The following GPC3 variants were observed in gnomAD, a reference collection of about 807,000 sequenced individuals.
GPC3 encodes glypican 3, also known as glypican-3.
A neutral mutation model predicts 34.4 loss-of-function variants in GPC3; 3 were observed. The observed-to-expected ratio is 0.09, with a 90% CI of 0.04 to 0.23. GPC3 has a LOEUF of 0.23. GPC3 is among the 10% of genes least tolerant of loss of function. The pLI, the probability that GPC3 is intolerant of heterozygous loss-of-function variation, is 1.00. For synonymous variants in GPC3, 177 were observed against 174.0 expected (o/e 1.02, Z -0.13); for missense variants, 351 against 445.6 (o/e 0.79, Z 1.91).
chrX:133,560,377 A>G (rs1286879826), intron 7 of GPC3, among the ~76,000 whole-genome samples: 2 of 112,405 alleles, frequency 1.8e-5, no homozygotes, highest in African/African-American at 6.5e-5. Flanking sequence ...AGTTTTTGCC[A>G]TTAACTGTTT....
chrX:133,832,756 A>G (rs1272054547), intron 2 of GPC3, among the ~76,000 whole-genome samples: 2 of 112,398 alleles, frequency 1.8e-5, no homozygotes, highest in East Asian at 5.6e-4. Context: ...TAGCTAAAGA[A>G]GGAGGAATTT....
At chrX:133,687,092 A>ATT (rs775110101) in intron 5 of GPC3, among the ~76,000 whole-genome samples, 1,042 of 69,201 alleles carry the variant, frequency 0.015, 23 homozygotes, top group African/African-American at 0.055. Context: ...TGGCCGGCTA[A>ATT]TTTTTTTTTT....
At chrX:133,881,255 TAGAGACACAGAC>T (rs1354127515) in intron 2 of GPC3, among the ~76,000 whole-genome samples, 1 of 111,953 alleles carries the variant, frequency 8.9e-6, no homozygotes, top group Admixed American at 9.5e-5. Context: ...GACACTCATC[TAGAGACACAGAC>T]AGACATGGTC....
intron 7 of GPC3, among the ~76,000 whole-genome samples, chrX:133,557,866 A>G (rs946146033): frequency 9.0e-6 from 1 of 111,701 alleles, no homozygotes; most frequent in African/African-American, 3.3e-5. Context: ...TAAAGAGAAA[A>G]TCAAAATGAG....
chrX:133,792,803 C>A (rs1265164059), intron 2 of GPC3, among the ~76,000 whole-genome samples: 1 of 111,555 alleles, frequency 9.0e-6, no homozygotes, highest in Non-Finnish European at 1.9e-5. Context: ...AAATTTGTAA[C>A]ATGGAAATCA....
At chrX:133,926,414 C>T (rs2076274856) in intron 2 of GPC3, among the ~76,000 whole-genome samples, 1 of 111,804 alleles carries the variant, frequency 8.9e-6, no homozygotes, top group African/African-American at 3.3e-5. Context: ...CAACTTATTT[C>T]CCTGACTTCT....
chrX:133,976,322 TTA>T (rs2076514600), intron 1 of GPC3, among the ~76,000 whole-genome samples: 1 of 111,878 alleles, frequency 8.9e-6, no homozygotes, highest in South Asian at 3.8e-4. Flanking sequence ...GACAGACACT[TTA>T]TGAGTGGTTG....
rs908639471 is a variant in GPC3 at position 133,616,899 on chromosome X, C to T, written c.1414-20300G>A. Among the ~76,000 whole-genome samples the T allele has an allele frequency of 6.4e-5, 7 of 108,960 alleles. No individual in the cohort carries two copies. The East Asian group carries it at 1.4e-3, about 22-fold the overall frequency. 94.6% of individuals were successfully genotyped at this position (108,960 alleles called of 115,157 possible). ...TTTTTTAGTAGAGATGGGGTTTCACCGGGTTAGCCAGGATGGTCTCGATCT... is the reference window on the plus strand; with the variant it reads ...TTTTTTAGTAGAGATGGGGTTTCACTGGGTTAGCCAGGATGGTCTCGATCT... On this transcript the variant is annotated intron_variant, in intron 6 of 7. Coordinates refer to ENST00000370818, the MANE Select transcript of GPC3 (RefSeq NM_004484.4).
chrX:133,666,900 C>T (rs1470307394), intron 5 of GPC3, among the ~76,000 whole-genome samples: 1 of 112,251 alleles, frequency 8.9e-6, no homozygotes, highest in Non-Finnish European at 1.9e-5. Flanking sequence ...CAGTCACTTT[C>T]AGTGAGTGAG....
intron 2 of GPC3, among the ~76,000 whole-genome samples, chrX:133,784,165 C>CT (rs2072079680): frequency 1.8e-5 from 2 of 111,842 alleles, no homozygotes; most frequent in African/African-American, 6.5e-5. Context: ...CGTTCCAAAG[C>CT]TGCTGCGCCT....
intron 1 of GPC3, among the ~76,000 whole-genome samples, chrX:133,982,978 C>G (rs770345043): frequency 8.9e-6 from 1 of 112,243 alleles, no homozygotes. Flanking sequence ...GAGCTCTTTC[C>G]ACACACGAAC....
chrX:133,750,026 G>C (rs111475389), intron 3 of GPC3, among the ~76,000 whole-genome samples: 45 of 111,484 alleles, frequency 4.0e-4, no homozygotes, highest in Non-Finnish European at 5.5e-4. Flanking sequence ...ACATGAACAA[G>C]GCAGAGTTTA....
chrX:133,700,694 C>T (rs1223239163), intron 3 of GPC3, among the ~76,000 whole-genome samples: 3 of 110,271 alleles, frequency 2.7e-5, no homozygotes, highest in African/African-American at 9.9e-5. Context: ...CTGGGCAACA[C>T]AGCAAGACCC....
chrX:133,593,649 T>C (rs1603181621), intron 7 of GPC3, among the ~76,000 whole-genome samples: 1 of 111,319 alleles, frequency 9.0e-6, no homozygotes, highest in African/African-American at 3.3e-5. Flanking sequence ...CAAGATGAAT[T>C]TGATGGAATC....
At chrX:133,711,959 A>C (rs991662364) in intron 3 of GPC3, among the ~76,000 whole-genome samples, 3 of 112,443 alleles carry the variant, frequency 2.7e-5, no homozygotes, top group Non-Finnish European at 5.6e-5. Context: ...TATGAAGTGA[A>C]AAAATTTTGT....
intron 6 of GPC3, among the ~76,000 whole-genome samples, chrX:133,652,870 T>C (rs1471507301): frequency 1.8e-5 from 2 of 112,327 alleles, no homozygotes; most frequent in African/African-American, 3.2e-5. Context: ...AGAATCCTAA[T>C]GACATGGGCA....
At chrX:133,821,207 A>G (rs960226482) in intron 2 of GPC3, among the ~76,000 whole-genome samples, 7 of 112,339 alleles carry the variant, frequency 6.2e-5, no homozygotes, top group Middle Eastern at 4.6e-3. Context: ...GGAAGCATAA[A>G]TGTACACTAA....
intron 2 of GPC3, among the ~76,000 whole-genome samples, chrX:133,862,256 G>T (rs1191396385): frequency 9.0e-6 from 1 of 110,758 alleles, no homozygotes; most frequent in Non-Finnish European, 1.9e-5. Context: ...CCAACAGAAA[G>T]ATGCGTAAAT....
At position 133,893,463 on chromosome X, in the gene GPC3, C is replaced by T. The variant is rs185937347; in HGVS notation, c.337+59587G>A. 4.5e-3 allele frequency among the ~76,000 whole-genome samples: 496 copies of T among 110,409 alleles called. 2 individuals carry two copies. Among genetic ancestry groups the T allele is most frequent in the African/African-American group, 0.015 (469 of 30,347 alleles). ...TTGTCTTTTATTTATTCTTTATTATCGTTAGAATTTAACTTACATAATTAT... is the reference window on the plus strand; with the variant it reads ...TTGTCTTTTATTTATTCTTTATTATTGTTAGAATTTAACTTACATAATTAT... On this transcript the variant is annotated intron_variant, in intron 2 of 7. Coordinates refer to ENST00000370818, the MANE Select transcript of GPC3 (RefSeq NM_004484.4).
Sources: gnomAD v4.1 joint callset for allele counts (sites outside exome capture counted in the v4.1 genomes callset) on GRCh38, gnomAD v4.1.1 for gene constraint, MANE v1.5 for transcripts, NCBI Gene and HGNC (gene_info 2026-07-23, HGNC 2026-07-21) for gene names.